ANKS1B: variants seen among roughly 807,000 people sequenced by gnomAD.
ANKS1B encodes the protein ankyrin repeat and sterile alpha motif domain containing 1B.
ANKS1B carries 36 observed loss-of-function variants against 148.3 expected under a neutral mutation model. The ratio of observed to expected loss-of-function variants is 0.24; its 90% CI spans 0.19 to 0.32. The LOEUF (loss-of-function observed/expected upper bound fraction) is 0.32, where lower values mean the gene tolerates loss of function less well. Ranked by LOEUF, ANKS1B falls within the 10% of genes least tolerant of loss-of-function variation. The probability of loss-of-function intolerance (pLI) is 1.00; values close to 1 mark genes in which losing one functional copy is unlikely to be tolerated. For synonymous variants in ANKS1B, 542 were observed against 560.8 expected (o/e 0.97, Z 0.47); for missense variants, 1,157 against 1,542.6 (o/e 0.75, Z 4.19).
intron 1 of ANKS1B, among the ~76,000 whole-genome samples, chr12:99,857,270 A>C (rs540688442): frequency 1.2e-4 from 19 of 152,220 alleles, no homozygotes; most frequent in African/African-American, 3.9e-4. Flanking sequence ...TCAAGAACTC[A>C]AGCCCTTTTA....
intron 11 of ANKS1B, among the ~76,000 whole-genome samples, chr12:99,427,200 C>T (rs1480320905): frequency 6.6e-6 from 1 of 152,170 alleles, no homozygotes; most frequent in Non-Finnish European, 1.5e-5. Flanking sequence ...CAAATCACAT[C>T]ACATTCTTGC....
intron 12 of ANKS1B, among the ~76,000 whole-genome samples, chr12:99,315,825 C>G (rs1053684521): frequency 1.3e-5 from 2 of 152,096 alleles, no homozygotes; most frequent in Non-Finnish European, 2.9e-5. Flanking sequence ...CCCCTCTCCC[C>G]CCACCCCATG....
At chr12:99,881,495 G>C (rs1289672800) in intron 1 of ANKS1B, among the ~76,000 whole-genome samples, 1 of 152,188 alleles carries the variant, frequency 6.6e-6, no homozygotes, top group Non-Finnish European at 1.5e-5. Flanking sequence ...GTGTGTGGCA[G>C]AGCAGGATAA....
At chr12:98,807,665 C>T (rs1425387258) in intron 20 of ANKS1B, among the ~76,000 whole-genome samples, 179 bp downstream of exon 20, 1 of 152,118 alleles carries the variant, frequency 6.6e-6, no homozygotes, top group African/African-American at 2.4e-5. Context: ...ACAATGTTTG[C>T]ACATCAACTA....
chr12:98,996,090 C>T (rs1003139033), intron 17 of ANKS1B, among the ~76,000 whole-genome samples: 1 of 151,924 alleles, frequency 6.6e-6, no homozygotes, highest in Admixed American at 6.6e-5. Context: ...ACTCATGGGA[C>T]ATTGGGTAGA....
intron 25 of ANKS1B, among the ~76,000 whole-genome samples, chr12:98,769,885 A>G (rs371425228): frequency 6.6e-6 from 1 of 152,344 alleles, no homozygotes; most frequent in South Asian, 2.1e-4. Context: ...TAGAGGCAGC[A>G]AGCTCTGTGG....
chr12:99,756,750 T>C (rs555448436), intron 8 of ANKS1B, among the ~76,000 whole-genome samples: 15 of 151,746 alleles, frequency 9.9e-5, no homozygotes, highest in African/African-American at 2.9e-4. Context: ...TGGAACAGTA[T>C]AGAGAATTCA....
At chr12:99,426,055 A>G (rs2095248322) in intron 11 of ANKS1B, among the ~76,000 whole-genome samples, 1 of 152,154 alleles carries the variant, frequency 6.6e-6, no homozygotes, top group Non-Finnish European at 1.5e-5. Flanking sequence ...TAATAGAGAA[A>G]TGACTGCTGA....
chr12:98,998,612 A>T (rs1316880619), intron 17 of ANKS1B, among the ~76,000 whole-genome samples: 1 of 152,186 alleles, frequency 6.6e-6, no homozygotes, highest in Non-Finnish European at 1.5e-5. Context: ...TACATAAATT[A>T]ATGTTTTATT....
At chr12:99,432,575 C>T (rs2095394077) in intron 11 of ANKS1B, among the ~76,000 whole-genome samples, 1 of 152,046 alleles carries the variant, frequency 6.6e-6, no homozygotes, top group African/African-American at 2.4e-5. Flanking sequence ...AGACACTGAA[C>T]AAATCAACGC....
intron 8 of ANKS1B, among the ~76,000 whole-genome samples, chr12:99,724,314 A>G (rs372574393): frequency 1.5e-4 from 23 of 152,326 alleles, no homozygotes; most frequent in East Asian, 1.2e-3. Context: ...AACATAAATA[A>G]CCTGATGGAG....
chr12:99,644,298 T>A (rs1430088695), intron 9 of ANKS1B, among the ~76,000 whole-genome samples: 1 of 152,208 alleles, frequency 6.6e-6, no homozygotes, highest in Non-Finnish European at 1.5e-5. Context: ...TTAACATTCA[T>A]ATGTTTATTA....
intron 6 of ANKS1B, among the ~76,000 whole-genome samples, chr12:99,777,864 A>G (rs1016348686): frequency 6.0e-5 from 9 of 150,412 alleles, no homozygotes; most frequent in East Asian, 4.2e-4. Context: ...GATTACAGGC[A>G]TGAGCCATCG....
chr12:99,899,861 T>C (rs1477358581), intron 1 of ANKS1B, among the ~76,000 whole-genome samples: 3 of 152,104 alleles, frequency 2.0e-5, no homozygotes, highest in Non-Finnish European at 2.9e-5. Flanking sequence ...GTTTCCAGGA[T>C]ATGGATTGGC....
intron 10 of ANKS1B, among the ~76,000 whole-genome samples, chr12:99,500,785 A>G (rs2096647735): frequency 6.6e-6 from 1 of 152,220 alleles, no homozygotes. Context: ...CAAGGGTAAT[A>G]TCATGCTTTT....
chr12:99,908,690 G>C (rs763711165), intron 1 of ANKS1B, among the ~76,000 whole-genome samples: 1 of 152,160 alleles, frequency 6.6e-6, no homozygotes, highest in African/African-American at 2.4e-5. Context: ...GAATCTCCTA[G>C]TTTCCCTAAT....
chr12:98,995,207 G>A (rs1320042419), intron 17 of ANKS1B, among the ~76,000 whole-genome samples: 4 of 152,124 alleles, frequency 2.6e-5, no homozygotes, highest in Non-Finnish European at 4.4e-5. Flanking sequence ...GTCTTACCAT[G>A]TACCAGACTG....
intron 1 of ANKS1B, among the ~76,000 whole-genome samples, chr12:99,922,806 G>A (rs1022697154): frequency 6.6e-6 from 1 of 151,872 alleles, no homozygotes; most frequent in Non-Finnish European, 1.5e-5. Context: ...ATTAAGGTAG[G>A]AATGGGTTAC....
intron 17 of ANKS1B, among the ~76,000 whole-genome samples, chr12:98,845,859 A>G (rs1265512313): frequency 1.3e-5 from 2 of 152,050 alleles, no homozygotes; most frequent in Non-Finnish European, 2.9e-5. Flanking sequence ...AATGATATGC[A>G]TACAGAATGT....
Sources: allele counts gnomAD v4.1 joint callset (sites outside exome capture counted in the v4.1 genomes callset), GRCh38; gene constraint gnomAD v4.1.1; transcripts MANE v1.5; gene names NCBI Gene and HGNC (gene_info 2026-07-23, HGNC 2026-07-21).